FOXN2: variants seen among roughly 807,000 people sequenced by gnomAD.
The protein encoded by FOXN2 is forkhead box N2, also known as forkhead box protein N2.
FOXN2 carries 19 observed loss-of-function variants against 41.2 expected under a neutral mutation model. The observed-to-expected ratio is 0.46, with a 90% confidence interval of 0.32 to 0.68. The LOEUF (loss-of-function observed/expected upper bound fraction) is 0.68, where lower values mean the gene tolerates loss of function less well. Among genes scored for constraint, FOXN2 ranks in the 30% least tolerant of loss-of-function variants. The pLI is 0.03. For synonymous variants in FOXN2, 195 were observed against 176.8 expected (o/e 1.10, Z -0.82); for missense variants, 587 against 509.4 (o/e 1.15, Z -1.47).
chr2:48,343,138 G>T (rs1473421681), intron 2 of FOXN2, among the ~76,000 whole-genome samples: 1 of 152,178 alleles, frequency 6.6e-6, no homozygotes, highest in Non-Finnish European at 1.5e-5. Context: ...CTAATGGCCA[G>T]AAATTTGAAT....
intron 1 of FOXN2, among the ~76,000 whole-genome samples, chr2:48,324,060 A>G (rs369396960): frequency 3.9e-5 from 6 of 152,160 alleles, no homozygotes; most frequent in East Asian, 1.9e-4. Context: ...TTCTTTTGCT[A>G]TACTATTGTC....
intron 5 of FOXN2, 89 bp from the exon 6 acceptor site, chr2:48,373,203 A>T: frequency 2.3e-6 from 2 of 865,858 alleles, no homozygotes; most frequent in Non-Finnish European, 3.7e-6. Flanking sequence ...CCAAAATTGT[A>T]ACGCTGGTTA....
At position 48,372,157 on chromosome 2, in the gene FOXN2, G is replaced by A. The variant is rs1672941431; in HGVS notation, c.704-1135G>A. Among the ~76,000 whole-genome samples, 5 of 152,148 alleles carry A rather than the reference G, an allele frequency of 3.3e-5. No individual in the cohort carries two copies. In the South Asian group the frequency reaches 6.2e-4, roughly 19 times the overall value. Reference sequence around the variant, plus strand: ...CTTTTCCCCATTCAGTAAGATATTAGCTGTGGATCATGAGGTCACATTTTA... The same window carrying A: ...CTTTTCCCCATTCAGTAAGATATTAACTGTGGATCATGAGGTCACATTTTA... On this transcript the variant is annotated intron_variant, in intron 5 of 6. Coordinates refer to ENST00000340553, the MANE Select transcript of FOXN2 (RefSeq NM_002158.4).
At chr2:48,339,732 G>A (rs1342035477) in intron 2 of FOXN2, among the ~76,000 whole-genome samples, 1 of 152,172 alleles carries the variant, frequency 6.6e-6, no homozygotes, top group Non-Finnish European at 1.5e-5. Context: ...AGGCTATTCT[G>A]TGACCAAATA....
intron 1 of FOXN2, among the ~76,000 whole-genome samples, chr2:48,322,847 C>A (rs1480881022): frequency 6.7e-6 from 1 of 148,886 alleles, no homozygotes; most frequent in Non-Finnish European, 1.5e-5. Flanking sequence ...ATTTTTATCT[C>A]TTTGAGCATC....
chr2:48,350,664 A>G lies in FOXN2; in HGVS notation c.537+3913A>G, dbSNP rs562781990. 3.9e-4 allele frequency among the ~76,000 whole-genome samples: 60 copies of G among 152,264 alleles called. 3 individuals carry two copies. The South Asian group carries it at 0.012, about 30-fold the overall frequency. On this transcript the variant is annotated intron_variant, in intron 3 of 6. Coordinates refer to ENST00000340553, the MANE Select transcript of FOXN2 (RefSeq NM_002158.4). The stretch of plus-strand genomic sequence containing the variant: ...GCCTAAACCTTGGCAGATTCTGTAC[A>G]TCTGTCTTCATTCATAAGGGTTTCT...
chr2:48,345,747 A>T (rs1053947718), intron 2 of FOXN2, among the ~76,000 whole-genome samples: 4 of 152,148 alleles, frequency 2.6e-5, no homozygotes, highest in Admixed American at 6.5e-5. Flanking sequence ...GGTTTATTTT[A>T]AAATATTGCT....
chr2:48,375,535 G>T lies in FOXN2; in HGVS notation c.*92G>T. ...ACTTCATTAGTTTTAGGGTAGGGAA[G>T]GGATACTAATTACTTATTTCTTTCA... is the stretch of plus-strand genomic sequence containing the variant. On this transcript the variant is annotated 3_prime_UTR_variant, in exon 7 of 7. Coordinates refer to ENST00000340553, the MANE Select transcript of FOXN2 (RefSeq NM_002158.4). 8.0e-7 allele frequency: 1 copy of T among 1,242,514 alleles called. No individual in the cohort carries two copies. The highest frequency in any genetic ancestry group is 1.6e-5 in the South Asian group (1 of 62,782). 77.0% of individuals were successfully genotyped at this position (1,242,514 alleles called of 1,614,324 possible). A position where few individuals can be genotyped will look rare whatever the true frequency, so the allele number is the denominator to read the frequency against.
At chr2:48,339,639 G>A (rs1670607622) in intron 2 of FOXN2, among the ~76,000 whole-genome samples, 1 of 152,160 alleles carries the variant, frequency 6.6e-6, no homozygotes, top group Admixed American at 6.5e-5. Context: ...GCAAGTACAT[G>A]AAGCATTTGG....
chr2:48,315,237 C>G (rs1668825686), intron 1 of FOXN2, among the ~76,000 whole-genome samples: 2 of 152,150 alleles, frequency 1.3e-5, no homozygotes, highest in Non-Finnish European at 2.9e-5. Flanking sequence ...CCAAGCACCT[C>G]GGAGCCTTTG....
chr2:48,370,925 C>T (rs571565916), intron 5 of FOXN2, among the ~76,000 whole-genome samples: 2 of 152,218 alleles, frequency 1.3e-5, no homozygotes, highest in African/African-American at 4.8e-5. Flanking sequence ...TTTATCGTTT[C>T]AGTTCTTACA....
intron 1 of FOXN2, among the ~76,000 whole-genome samples, chr2:48,320,133 A>G (rs1482300433): frequency 6.6e-6 from 1 of 152,078 alleles, no homozygotes; most frequent in Non-Finnish European, 1.5e-5. Context: ...TGACTGCACC[A>G]TGCCTTTGTC....
At chr2:48,331,288 A>G (rs1473405456) in intron 2 of FOXN2, among the ~76,000 whole-genome samples, 1 of 152,214 alleles carries the variant, frequency 6.6e-6, no homozygotes, top group East Asian at 1.9e-4. Flanking sequence ...TGAAATATAA[A>G]TTTTAAAAAA....
intron 6 of FOXN2, among the ~76,000 whole-genome samples, chr2:48,374,494 T>G (rs897187060): frequency 1.3e-5 from 2 of 152,214 alleles, no homozygotes; most frequent in African/African-American, 4.8e-5. Context: ...TAATTTTAAA[T>G]GTATATATCC....
intron 5 of FOXN2, among the ~76,000 whole-genome samples, chr2:48,368,351 A>G (rs142227462): frequency 3.9e-3 from 591 of 152,364 alleles, no homozygotes; most frequent in Admixed American, 7.3e-3. Flanking sequence ...CAAATGTGAC[A>G]ATAAACAAAT....
rs1368872780 is a variant in FOXN2 at position 48,375,940 on chromosome 2, AT to A, written c.*507del. ...TTTACTTTGTCTTAATTTGTTTCTA[AT>A]TTTTTTTTTGTTGTCGTGTGAGCAA... On this transcript the variant is annotated 3_prime_UTR_variant, in exon 7 of 7. Transcript: ENST00000340553. 25 of 149,812 alleles carry A rather than the reference AT, an allele frequency of 1.7e-4. No homozygotes were observed. Among genetic ancestry groups the A allele is most frequent in the South Asian group, 4.2e-4 (2 of 4,758 alleles). 9.3% of individuals were successfully genotyped at this position (149,812 alleles called of 1,614,324 possible).
At chr2:48,361,386 G>C (rs942107195) in intron 4 of FOXN2, among the ~76,000 whole-genome samples, 8 of 150,998 alleles carry the variant, frequency 5.3e-5, no homozygotes, top group Non-Finnish European at 1.2e-4. Flanking sequence ...GAATCATCTT[G>C]AACCCAGGAG....
chr2:48,349,028 C>G (rs1671285963), intron 3 of FOXN2, among the ~76,000 whole-genome samples: 1 of 152,192 alleles, frequency 6.6e-6, no homozygotes, highest in South Asian at 2.1e-4. Context: ...CTTTCTGTGC[C>G]TCCCCCAGGA....
At chr2:48,357,504 C>CTTTTTTTTTTTT (rs113343294) in intron 3 of FOXN2, among the ~76,000 whole-genome samples, 1 of 144,290 alleles carries the variant, frequency 6.9e-6, no homozygotes, top group Non-Finnish European at 1.5e-5. Flanking sequence ...TTAATTCTTC[C>CTTTTTTTTTTTT]TTTTTTTTTT....
Sources: allele counts gnomAD v4.1 joint callset (sites outside exome capture counted in the v4.1 genomes callset), GRCh38; gene constraint gnomAD v4.1.1; transcripts MANE v1.5; gene names NCBI Gene and HGNC (gene_info 2026-07-23, HGNC 2026-07-21).